The following VAV2 variants were observed in gnomAD, a reference collection of about 807,000 sequenced individuals.
The protein encoded by VAV2 is vav guanine nucleotide exchange factor 2.
In VAV2, 67 loss-of-function variants were observed where a neutral mutation model predicts 132.5. That is an observed-to-expected ratio of 0.51 (90% confidence interval 0.42 to 0.62). The LOEUF is 0.62. VAV2 is among the 20% of genes least tolerant of loss of function. The pLI is 0.00. For missense variants in VAV2, 938 were observed against 1,153.6 expected, an observed-to-expected ratio of 0.81 and a Z score of 2.71; for synonymous variants, 492 against 443.5, an observed-to-expected ratio of 1.11 and a Z score of -1.37.
At chr9:133,837,262 G>A (rs1259572188) in intron 3 of VAV2, among the ~76,000 whole-genome samples, 1 of 152,182 alleles carries the variant, frequency 6.6e-6, no homozygotes. Flanking sequence ...CTCACTCAGG[G>A]CACTTTCCAC....
chr9:133,851,499 C>A lies in VAV2; in HGVS notation c.380+9875G>T, dbSNP rs190461608. On this transcript the variant is annotated intron_variant, in intron 3 of 29. Transcript: ENST00000371850. Reference sequence around the variant, plus strand: ...AGCACCCGAGTGAACCAAGTCAGCTCATTCATCCACCCACATCATATTGTT... The same window carrying A: ...AGCACCCGAGTGAACCAAGTCAGCTAATTCATCCACCCACATCATATTGTT... Among the ~76,000 whole-genome samples, 12 of 152,356 alleles carry A rather than the reference C, an allele frequency of 7.9e-5. No homozygotes were observed. In the East Asian group the frequency reaches 2.1e-3, roughly 27 times the overall value.
chr9:133,799,686 A>G (rs373179482), intron 9 of VAV2, among the ~76,000 whole-genome samples: 36 of 152,272 alleles, frequency 2.4e-4, no homozygotes, highest in African/African-American at 8.2e-4. Context: ...TACCACCTAA[A>G]TGAGTCTGTT....
chr9:133,831,154 G>A (rs1836246580), intron 4 of VAV2, among the ~76,000 whole-genome samples: 1 of 152,082 alleles, frequency 6.6e-6, no homozygotes, highest in African/African-American at 2.4e-5. Flanking sequence ...ATGGGCAACT[G>A]GCCGGGCACG....
intron 2 of VAV2, among the ~76,000 whole-genome samples, chr9:133,925,576 A>G (rs626547): frequency 0.38 from 57,313 of 152,106 alleles, 12,094 homozygotes; most frequent in Middle Eastern, 0.49. Context: ...CCAGCCCCAA[A>G]GTCCCCAGGG....
intron 8 of VAV2, 37 bp downstream of exon 8, chr9:133,807,221 C>T (rs55874317): frequency 9.4e-6 from 15 of 1,595,696 alleles, no homozygotes; most frequent in Middle Eastern, 1.7e-4. Flanking sequence ...GTTAGGGCCC[C>T]GAGCCTGGCA....
Position 133,807,308 on chromosome 9 carries a change from G to A in VAV2, c.685C>T (p.Arg229Trp), listed in dbSNP as rs546008982. The change falls in exon 8 of 30, where the codon CGG becomes TGG. Residue 229 changes from arginine to tryptophan, a missense_variant. Physicochemically the swap from Arg to Trp is moderately radical, Grantham distance 101. Coordinates refer to ENST00000371850, the MANE Select transcript of VAV2 (RefSeq NM_001134398.2). The stretch of plus-strand genomic sequence containing the variant: ...ATGTCCGCCGGGCTCAGCACCAGCC[G>A]CAGGGGGCTCATGTAGTTCTGGAAG... Reference protein sequence around the residue: ...DIEKNYMSPLRLVLSPADMAA... With the variant: ...DIEKNYMSPLWLVLSPADMAA... 22 of 1,610,666 alleles carry A rather than the reference G, an allele frequency of 1.4e-5. No homozygotes were observed. The highest frequency in any genetic ancestry group is 3.3e-5 in the Admixed American group (2 of 59,806).
rs140912115 is a variant in VAV2, at chr9:133,807,098, C to G, written c.735+160G>C. 3.7e-3 allele frequency among the ~76,000 whole-genome samples: 569 copies of G among 152,348 alleles called. 5 individuals carry two copies. The highest frequency in any genetic ancestry group is 0.013 in the African/African-American group (550 of 41,576). On this transcript the variant is annotated intron_variant, in intron 8 of 29. Transcript: ENST00000371850. Reference sequence around the variant, plus strand: ...ACCCTGGCTCCTAAATCCAAAGACCCTGGAGAGAGCGGTGGGGGCTCCTCC... The same window carrying G: ...ACCCTGGCTCCTAAATCCAAAGACCGTGGAGAGAGCGGTGGGGGCTCCTCC...
At chr9:133,889,450 G>A (rs918331343) in intron 2 of VAV2, among the ~76,000 whole-genome samples, 2 of 152,066 alleles carry the variant, frequency 1.3e-5, no homozygotes, top group African/African-American at 2.4e-5. Context: ...TGCGGTCCTC[G>A]GTTCCCTTCT....
chr9:133,969,112 A>G lies in VAV2; in HGVS notation c.204+22963T>C, dbSNP rs569141413. Among the ~76,000 whole-genome samples the G allele has an allele frequency of 6.7e-6, 1 of 149,756 alleles. No homozygotes were observed. The highest frequency in any genetic ancestry group is 6.6e-5 in the Admixed American group (1 of 15,080). ...TCTAGTTGCCTGAGATGAATCCCACATGCCGGGATTCACACTTCCCCCGAG... is the reference window on the plus strand; with the variant it reads ...TCTAGTTGCCTGAGATGAATCCCACGTGCCGGGATTCACACTTCCCCCGAG... On this transcript the variant is annotated intron_variant, in intron 1 of 29. Transcript: ENST00000371850. The surrounding 1 kb of genome is among the most constrained non-coding windows in gnomAD (Gnocchi z 5.1).
At chr9:133,805,719 C>A (rs2131681566) in intron 9 of VAV2, among the ~76,000 whole-genome samples, 1 of 152,336 alleles carries the variant, frequency 6.6e-6, no homozygotes, top group South Asian at 2.1e-4. Flanking sequence ...CATCCTTGTC[C>A]ACATCCTAAC....
At position 133,774,624 on chromosome 9, in the gene VAV2, C is replaced by T. The variant is rs146258906; in HGVS notation, c.2135+311G>A. 1.7e-3 allele frequency among the ~76,000 whole-genome samples: 258 copies of T among 152,290 alleles called. 1 individual carries two copies. The highest frequency in any genetic ancestry group is 5.2e-3 in the African/African-American group (218 of 41,556). On this transcript the variant is annotated intron_variant, in intron 25 of 29. Coordinates refer to ENST00000371850, the MANE Select transcript of VAV2 (RefSeq NM_001134398.2). ...GGAAATCCCTGAGCTCACACAGGAT[C>T]TCACCCACCCACTTGTACCTGAGCT...
chr9:133,834,239 C>T lies in VAV2; in HGVS notation c.449+33G>A. ...CCAGGAACCTCCCTGCCCCTCCCTC[C>T]TCTCCATCCCTCCTCCCATCCCCCC... On this transcript the variant is annotated intron_variant, in intron 4 of 29. Transcript: ENST00000371850. The surrounding 1 kb of genome is among the most constrained non-coding windows in gnomAD (Gnocchi z 5.9). 1.3e-6 allele frequency: 2 copies of T among 1,590,858 alleles called. No individual in the cohort carries two copies. The highest frequency in any genetic ancestry group is 1.7e-6 in the Non-Finnish European group (2 of 1,167,336).
chr9:133,866,754 C>A (rs1480195042), intron 2 of VAV2, among the ~76,000 whole-genome samples: 1 of 147,396 alleles, frequency 6.8e-6, no homozygotes, highest in East Asian at 2.0e-4. Flanking sequence ...TCCAGTGGGC[C>A]GAGATTGCAC....
chr9:133,865,343 C>T (rs974410105), intron 2 of VAV2, among the ~76,000 whole-genome samples: 9 of 152,250 alleles, frequency 5.9e-5, no homozygotes, highest in Non-Finnish European at 8.8e-5. Flanking sequence ...CCAGTCTCCA[C>T]TGCCCCTTCT....
chr9:133,868,270 A>C (rs1304822767), intron 2 of VAV2, among the ~76,000 whole-genome samples: 1 of 152,252 alleles, frequency 6.6e-6, no homozygotes, highest in Non-Finnish European at 1.5e-5. Context: ...CCCACAGCAC[A>C]GCAGGCACCG....
chr9:133,795,088 G>A (rs938530762), intron 12 of VAV2, among the ~76,000 whole-genome samples: 2 of 152,218 alleles, frequency 1.3e-5, no homozygotes, highest in African/African-American at 4.8e-5. Flanking sequence ...CGACATCAGG[G>A]GCAAGTATCC....
In VAV2 at chr9:133,885,253, C is replaced by T. The variant is rs1838656067; in HGVS notation, c.322-23821G>A. On this transcript the variant is annotated intron_variant, in intron 2 of 29. Transcript: ENST00000371850. This position sits in a 1 kb window ranked among gnomAD's most constrained non-coding sequence, Gnocchi z 5.0. ...CCCAGGGAAGGGCATGTATGCAGCC[C>T]CCGCGGCTGTCTACTTGGTCCATGT... 6.6e-6 allele frequency among the ~76,000 whole-genome samples: 1 copy of T among 152,218 alleles called. No individual in the cohort carries two copies. Among genetic ancestry groups the T allele is most frequent in the Non-Finnish European group, 1.5e-5 (1 of 68,038 alleles).
At chr9:133,954,266 A>C (rs1841669405) in intron 1 of VAV2, among the ~76,000 whole-genome samples, 1 of 152,200 alleles carries the variant, frequency 6.6e-6, no homozygotes, top group Non-Finnish European at 1.5e-5. Flanking sequence ...CCATCTGCCC[A>C]TCTGTCCATC....
chr9:133,818,089 G>A (rs1835633765), intron 4 of VAV2, among the ~76,000 whole-genome samples: 1 of 152,188 alleles, frequency 6.6e-6, no homozygotes, highest in African/African-American at 2.4e-5. Context: ...GGGCGGCCGG[G>A]CGCGGCGGCT....
Sources: allele counts gnomAD v4.1 joint callset (sites outside exome capture counted in the v4.1 genomes callset), GRCh38; gene constraint gnomAD v4.1.1; non-coding constraint Gnocchi (gnomAD v3.1); transcripts MANE v1.5; gene names NCBI Gene and HGNC (gene_info 2026-07-23, HGNC 2026-07-21).